Variants in BNC2 observed in about 807,000 individuals in gnomAD.
BNC2 encodes the protein basonuclin zinc finger protein 2, also known as zinc finger protein basonuclin-2.
A neutral mutation model predicts 76.3 loss-of-function variants in BNC2; 20 were observed. The observed-to-expected ratio is 0.26, with a 90% CI of 0.18 to 0.38. The LOEUF (loss-of-function observed/expected upper bound fraction) is 0.38, where lower values mean the gene tolerates loss of function less well. Among genes scored for constraint, BNC2 ranks in the 10% least tolerant of loss-of-function variants. The pLI is 1.00. For missense variants in BNC2, 1,382 were observed against 1,399.8 expected (o/e 0.99, Z 0.20); for synonymous variants, 582 against 514.8 (o/e 1.13, Z -1.77).
intron 3 of BNC2, among the ~76,000 whole-genome samples, chr9:16,645,124 C>G (rs1821587474): frequency 6.6e-6 from 1 of 152,116 alleles, no homozygotes; most frequent in African/African-American, 2.4e-5. Context: ...CTATGACTTG[C>G]AGGTAAAAAA....
At position 16,520,523 on chromosome 9, in the gene BNC2, T is replaced by A. The variant is rs561015548; in HGVS notation, c.669+32007A>T. ...GCACAGACATTTTTCACTACCTAAA[T>A]CTGTCTTCTTCCTGTGTTTAGACAA... On this transcript the variant is annotated intron_variant, in intron 5 of 6. Transcript: ENST00000380672. 1.1e-4 allele frequency among the ~76,000 whole-genome samples: 16 copies of A among 152,280 alleles called. No homozygotes were observed. The South Asian group carries it at 3.1e-3, about 30-fold the overall frequency.
chr9:16,809,992 C>T (rs1818005370), intron 1 of BNC2, among the ~76,000 whole-genome samples: 1 of 152,062 alleles, frequency 6.6e-6, no homozygotes, highest in Admixed American at 6.5e-5. Flanking sequence ...GGCTTCTCTG[C>T]CTCCCCTCTA....
chr9:16,693,889 T>C (rs993994587), intron 3 of BNC2, among the ~76,000 whole-genome samples: 2 of 152,184 alleles, frequency 1.3e-5, no homozygotes, highest in Non-Finnish European at 2.9e-5. Flanking sequence ...GAAAAGCACT[T>C]TAAAATGATC....
At chr9:16,708,045 A>G (rs1823729588) in intron 3 of BNC2, among the ~76,000 whole-genome samples, 1 of 152,220 alleles carries the variant, frequency 6.6e-6, no homozygotes, top group Admixed American at 6.5e-5. Context: ...ACTATTTTCT[A>G]TGAAATTGTA....
intron 3 of BNC2, among the ~76,000 whole-genome samples, chr9:16,660,016 C>T (rs568936946): frequency 5.1e-4 from 78 of 152,292 alleles, no homozygotes; most frequent in Non-Finnish European, 8.2e-4. Context: ...TTATTCCCTG[C>T]AAAATATTTT....
intron 3 of BNC2, among the ~76,000 whole-genome samples, chr9:16,605,699 G>A (rs914227514): frequency 4.0e-5 from 6 of 151,252 alleles, no homozygotes; most frequent in Non-Finnish European, 7.4e-5. Context: ...ACAGAGACCA[G>A]AGCCATGAAA....
intron 3 of BNC2, among the ~76,000 whole-genome samples, chr9:16,611,456 T>C (rs1015494407): frequency 1.3e-5 from 2 of 152,196 alleles, no homozygotes; most frequent in African/African-American, 4.8e-5. Context: ...AATCTTATGT[T>C]ATTTTTTGAC....
intron 5 of BNC2, among the ~76,000 whole-genome samples, chr9:16,542,494 G>T (rs1015209940): frequency 6.6e-6 from 1 of 152,208 alleles, no homozygotes; most frequent in Non-Finnish European, 1.5e-5. Context: ...GGACCACAAT[G>T]GTAGGTTTCT....
At chr9:16,780,527 A>G (rs890916763) in intron 1 of BNC2, among the ~76,000 whole-genome samples, 21 of 151,740 alleles carry the variant, frequency 1.4e-4, no homozygotes, top group Non-Finnish European at 2.5e-4. Context: ...AGCCGAGATC[A>G]CACCACTACA....
intron 4 of BNC2, chr9:16,579,948 C>T (rs1445516695): frequency 2.5e-6 from 1 of 396,206 alleles, no homozygotes; most frequent in Non-Finnish European, 4.4e-6. Flanking sequence ...GCATTCAGTG[C>T]TACCATGAAA....
intron 3 of BNC2, among the ~76,000 whole-genome samples, chr9:16,694,868 AC>A (rs891293012): frequency 7.2e-5 from 11 of 151,916 alleles, no homozygotes; most frequent in African/African-American, 2.7e-4. Flanking sequence ...TCTAAGGGAT[AC>A]CCCCCCACCC....
chr9:16,469,315 T>A (rs932684456), intron 5 of BNC2, among the ~76,000 whole-genome samples: 1 of 152,056 alleles, frequency 6.6e-6, no homozygotes, highest in African/African-American at 2.4e-5. Flanking sequence ...CCGGGGGAGG[T>A]AACTGAATCA....
chr9:16,847,963 A>C (rs1174700530), intron 1 of BNC2, among the ~76,000 whole-genome samples: 1 of 152,226 alleles, frequency 6.6e-6, no homozygotes, highest in Non-Finnish European at 1.5e-5. Context: ...CAATCTCAAA[A>C]GACTGAAACA....
intron 4 of BNC2, among the ~76,000 whole-genome samples, chr9:16,570,910 G>C (rs1161822017): frequency 6.6e-6 from 1 of 152,098 alleles, no homozygotes; most frequent in Non-Finnish European, 1.5e-5. Flanking sequence ...AAACAGAGGG[G>C]ATATATTGGT....
chr9:16,685,538 C>T lies in BNC2; in HGVS notation c.330+42259G>A, dbSNP rs567925977. On this transcript the variant is annotated intron_variant, in intron 3 of 6. Coordinates refer to ENST00000380672, the MANE Select transcript of BNC2 (RefSeq NM_017637.6). ...CCCCTAGCTGAGAAAACAGTTAAGACTCTAACCTGGACTTCCAGCCTGTGG... is the reference window on the plus strand; with the variant it reads ...CCCCTAGCTGAGAAAACAGTTAAGATTCTAACCTGGACTTCCAGCCTGTGG... The T allele has an allele frequency of 3.1e-4, 402 of 1,303,418 alleles. 3 individuals carry two copies. Among genetic ancestry groups the T allele is most frequent in the South Asian group, 1.7e-3 (135 of 81,010 alleles). The allele number at this position is 1,303,418 out of a possible 1,614,324, so 80.7% of individuals were successfully genotyped here. A position where few individuals can be genotyped will look rare whatever the true frequency, so the allele number is the denominator to read the frequency against.
Position 16,573,552 on chromosome 9 carries a change from C to A in BNC2, c.433+9431G>T, listed in dbSNP as rs140200589. The stretch of plus-strand genomic sequence containing the variant: ...GTAGAGTTGCCTTTACATTTCTTGG[C>A]GAGTAGAATCTAAGGCCCAAGACTG... On this transcript the variant is annotated intron_variant, in intron 4 of 6. Coordinates refer to ENST00000380672, the MANE Select transcript of BNC2 (RefSeq NM_017637.6). Among the ~76,000 whole-genome samples the A allele has an allele frequency of 7.0e-3, 1,066 of 151,970 alleles. 17 individuals carry two copies. Among genetic ancestry groups the A allele is most frequent in the South Asian group, 0.04 (192 of 4,822 alleles).
At chr9:16,673,785 A>T (rs1302735100) in intron 3 of BNC2, among the ~76,000 whole-genome samples, 1 of 152,198 alleles carries the variant, frequency 6.6e-6, no homozygotes, top group South Asian at 2.1e-4. Context: ...AGACACCTAC[A>T]CTGCAGTAGG....
chr9:16,557,069 G>A (rs1818856782), intron 4 of BNC2, among the ~76,000 whole-genome samples: 1 of 152,134 alleles, frequency 6.6e-6, no homozygotes, highest in Admixed American at 6.5e-5. Flanking sequence ...AGGAATATGA[G>A]TTAGGCCAAT....
Position 16,855,638 on chromosome 9 carries a change from C to T in BNC2, c.3+15008G>A, listed in dbSNP as rs565939646. Among the ~76,000 whole-genome samples, 13 of 152,200 alleles carry T rather than the reference C, an allele frequency of 8.5e-5. No homozygotes were observed. In the South Asian group the frequency reaches 1.9e-3, roughly 22 times the overall value. On this transcript the variant is annotated intron_variant, in intron 1 of 6. Transcript: ENST00000380672. ...CTGCAACCTCCACCTCCCGGGTTCA[C>T]GCCATTCTCCTGCCTCAGCCTCCCA... is the stretch of plus-strand genomic sequence containing the variant.
Sources: allele counts gnomAD v4.1 joint callset (sites outside exome capture counted in the v4.1 genomes callset), GRCh38; gene constraint gnomAD v4.1.1; transcripts MANE v1.5; gene names NCBI Gene and HGNC (gene_info 2026-07-23, HGNC 2026-07-21).